The following RALGAPA1 variants were observed in gnomAD, a reference collection of about 807,000 sequenced individuals.
RALGAPA1 encodes the protein ral GTPase-activating protein subunit alpha-1.
Under a neutral mutation model 269.6 loss-of-function variants are expected in RALGAPA1, and 52 were observed. The observed-to-expected ratio is 0.19, with a 90% confidence interval of 0.15 to 0.24. RALGAPA1 has a LOEUF of 0.24. Ranked by LOEUF, RALGAPA1 falls within the 10% of genes least tolerant of loss-of-function variation. The pLI, the probability that RALGAPA1 is intolerant of heterozygous loss-of-function variation, is 1.00. For synonymous variants in RALGAPA1, 817 were observed against 1,008.3 expected (o/e 0.81, Z 3.60); for missense variants, 1,917 against 3,013.9 (o/e 0.64, Z 8.52).
At chr14:35,799,545 G>C (rs2076824469) in intron 1 of RALGAPA1, among the ~76,000 whole-genome samples, 2 of 148,014 alleles carry the variant, frequency 1.4e-5, no homozygotes, top group Non-Finnish European at 3.0e-5. Context: ...CTGGGCAACA[G>C]AGCGAGACTC....
chr14:35,808,988 G>C lies in RALGAPA1; in HGVS notation c.-153C>G, dbSNP rs961303669. On this transcript the variant is annotated 5_prime_UTR_variant, in exon 1 of 42. In the 5' UTR this introduces an upstream ATG that the reference lacks. Coordinates refer to ENST00000680220, the MANE Select transcript of RALGAPA1 (RefSeq NM_001346249.2). The stretch of plus-strand genomic sequence containing the variant: ...GCCAGGGCAGAGCCGACTCCTTCCC[G>C]ATCCAGGCCAGGGCCGCCACCTCCA... The C allele has an allele frequency of 2.9e-5, 41 of 1,413,152 alleles. No homozygotes were observed. The East Asian group carries it at 9.6e-4, about 33-fold the overall frequency. 87.5% of individuals were successfully genotyped at this position (1,413,152 alleles called of 1,614,324 possible). A position where few individuals can be genotyped will look rare whatever the true frequency, so the allele number is the denominator to read the frequency against.
chr14:35,754,426 A>G (rs778897224), intron 7 of RALGAPA1, among the ~76,000 whole-genome samples: 23 of 152,188 alleles, frequency 1.5e-4, no homozygotes, highest in Non-Finnish European at 2.5e-4. Flanking sequence ...CAGACACTTC[A>G]CCCAAGATAT....
At chr14:35,695,019 G>T (rs1490216456) in intron 17 of RALGAPA1, among the ~76,000 whole-genome samples, 1 of 152,150 alleles carries the variant, frequency 6.6e-6, no homozygotes, top group Non-Finnish European at 1.5e-5. Flanking sequence ...AGTGGAGGTT[G>T]CAGTGAGCCA....
chr14:35,593,201 T>C (rs1347211768), intron 37 of RALGAPA1, among the ~76,000 whole-genome samples: 15 of 152,154 alleles, frequency 9.9e-5, no homozygotes, highest in Non-Finnish European at 1.6e-4. Flanking sequence ...CATTTCTATA[T>C]ACAAATTATG....
chr14:35,753,911 T>A (rs898450631), intron 7 of RALGAPA1, among the ~76,000 whole-genome samples: 2 of 152,166 alleles, frequency 1.3e-5, no homozygotes, highest in Non-Finnish European at 2.9e-5. Flanking sequence ...TCAAAAGCCT[T>A]CAATGGATCC....
chr14:35,689,046 A>G lies in RALGAPA1; in HGVS notation c.3365T>C (p.Leu1122Pro). Residue 1122 changes from leucine to proline, a missense_variant, in exon 18 of 42, where the codon CTT becomes CCT. Physicochemically the swap from Leu to Pro is moderately conservative, Grantham distance 98. This residue lies in a region of RALGAPA1 where 615 missense variants were observed against 790.0 expected (regional missense o/e 0.78). Transcript: ENST00000680220. ...RMPHVTSTSK[L>P]SPTKRSLSET... ...AGACAAGCTCCTTTTAGTTGGAGAA[A>G]GTTTGCTAGTACTTGTAACATGAGG... 8.1e-7 allele frequency: 1 copy of G among 1,236,328 alleles called. No individual in the cohort carries two copies. The highest frequency in any genetic ancestry group is 1.0e-6 in the Non-Finnish European group (1 of 990,386). 76.6% of individuals were successfully genotyped at this position (1,236,328 alleles called of 1,614,324 possible). A position where few individuals can be genotyped will look rare whatever the true frequency, so the allele number is the denominator to read the frequency against.
At chr14:35,658,025 C>T (rs2063312085) in intron 28 of RALGAPA1, among the ~76,000 whole-genome samples, 1 of 152,124 alleles carries the variant, frequency 6.6e-6, no homozygotes, top group Non-Finnish European at 1.5e-5. Context: ...CCCGTCCCAC[C>T]AGCTATGCAT....
At chr14:35,762,066 C>A (rs1475536565) in intron 5 of RALGAPA1, among the ~76,000 whole-genome samples, 1 of 152,116 alleles carries the variant, frequency 6.6e-6, no homozygotes, top group Non-Finnish European at 1.5e-5. Flanking sequence ...CCCTCTACAT[C>A]TAATAGTGGC....
At chr14:35,707,034 G>C (rs1445256403) in intron 16 of RALGAPA1, 1 of 152,086 alleles carries the variant, frequency 6.6e-6, no homozygotes, top group African/African-American at 2.4e-5. Flanking sequence ...AAGTTTCATA[G>C]TTTTCCTCAT....
intron 29 of RALGAPA1, among the ~76,000 whole-genome samples, chr14:35,654,796 C>A (rs1307153269): frequency 6.6e-6 from 1 of 152,140 alleles, no homozygotes; most frequent in Admixed American, 6.5e-5. Flanking sequence ...CAACTATTCA[C>A]CACACTTCCA....
Position 35,808,110 on chromosome 14 carries a change from T to TA in RALGAPA1, c.106+619dup, listed in dbSNP as rs57269841. Among the ~76,000 whole-genome samples the TA allele has an allele frequency of 5.2e-3, 789 of 152,088 alleles. 3 individuals are homozygous for TA. Among genetic ancestry groups the TA allele is most frequent in the African/African-American group, 0.018 (748 of 41,502 alleles). On this transcript the variant is annotated intron_variant, in intron 1 of 41. Coordinates refer to ENST00000680220, the MANE Select transcript of RALGAPA1 (RefSeq NM_001346249.2). ...CAAAACAGAACTTAAGGGCAGACGATAAAAAAAATATTTTTAATTAAAAAT... is the reference window on the plus strand; with the variant it reads ...CAAAACAGAACTTAAGGGCAGACGATAAAAAAAAATATTTTTAATTAAAAAT...
chr14:35,738,879 C>A (rs976788473), intron 11 of RALGAPA1, among the ~76,000 whole-genome samples: 1 of 152,114 alleles, frequency 6.6e-6, no homozygotes, highest in African/African-American at 2.4e-5. Flanking sequence ...CCATAATGAG[C>A]AGCCAGAGAT....
chr14:35,601,468 G>A (rs1285616907), intron 36 of RALGAPA1, among the ~76,000 whole-genome samples: 1 of 152,152 alleles, frequency 6.6e-6, no homozygotes, highest in Non-Finnish European at 1.5e-5. Flanking sequence ...TGGGGATGGG[G>A]TCAAGGAATT....
chr14:35,610,809 A>G (rs992894509), intron 35 of RALGAPA1, among the ~76,000 whole-genome samples: 3 of 152,228 alleles, frequency 2.0e-5, no homozygotes, highest in Admixed American at 6.5e-5. Flanking sequence ...GATCAAATAC[A>G]CAAAAACTGA....
chr14:35,745,854 G>C (rs1461531720), intron 10 of RALGAPA1, among the ~76,000 whole-genome samples: 1 of 151,166 alleles, frequency 6.6e-6, no homozygotes, highest in South Asian at 2.1e-4. Flanking sequence ...GGAGGCCGAC[G>C]AGAGAGGATG....
Position 35,687,106 on chromosome 14 carries a change from T to C in RALGAPA1, c.3953-440A>G, listed in dbSNP as rs140919475. 3.7e-3 allele frequency among the ~76,000 whole-genome samples: 568 copies of C among 152,300 alleles called. 2 individuals carry two copies. The highest frequency in any genetic ancestry group is 0.013 in the African/African-American group (522 of 41,576). ...ACAAATGCATTTGAGTATTTATAAA[T>C]ACAAATTCTATGGTTTTGATATACT... is the stretch of plus-strand genomic sequence containing the variant. On this transcript the variant is annotated intron_variant, in intron 18 of 41. Coordinates refer to ENST00000680220, the MANE Select transcript of RALGAPA1 (RefSeq NM_001346249.2).
intron 3 of RALGAPA1, among the ~76,000 whole-genome samples, chr14:35,772,541 C>G (rs779059958): frequency 6.6e-6 from 1 of 152,198 alleles, no homozygotes; most frequent in Non-Finnish European, 1.5e-5. Context: ...GCTCTCAATA[C>G]TCATCCACTT....
At chr14:35,795,026 A>C (rs1433149465) in intron 1 of RALGAPA1, among the ~76,000 whole-genome samples, 2 of 152,168 alleles carry the variant, frequency 1.3e-5, no homozygotes, top group Non-Finnish European at 2.9e-5. Context: ...ATTTAAGAGA[A>C]CCTCTTATTA....
intron 39 of RALGAPA1, among the ~76,000 whole-genome samples, chr14:35,566,313 C>T (rs925312932): frequency 6.6e-6 from 1 of 152,076 alleles, no homozygotes; most frequent in African/African-American, 2.4e-5. Flanking sequence ...ATATGACAAT[C>T]AATACTGTCC....
Sources: allele counts gnomAD v4.1 joint callset (sites outside exome capture counted in the v4.1 genomes callset), GRCh38; gene constraint gnomAD v4.1.1; regional missense constraint gnomAD v4.1.1; transcripts MANE v1.5; gene names NCBI Gene and HGNC (gene_info 2026-07-23, HGNC 2026-07-21).